HNF4G: variants seen among roughly 807,000 people sequenced by gnomAD.
HNF4G encodes hepatocyte nuclear factor 4-gamma.
In HNF4G, 21 loss-of-function variants were observed where a neutral mutation model predicts 50.9. The ratio of observed to expected loss-of-function variants is 0.41; its 90% CI spans 0.29 to 0.59. HNF4G has a LOEUF of 0.59. Among genes scored for constraint, HNF4G ranks in the 20% least tolerant of loss-of-function variants. The probability of loss-of-function intolerance (pLI) is 0.26; values close to 1 mark genes in which losing one functional copy is unlikely to be tolerated. For missense variants in HNF4G, 527 were observed against 559.4 expected (o/e 0.94, Z 0.58); for synonymous variants, 198 against 185.6 (o/e 1.07, Z -0.54).
At chr8:75,466,636 CTCCCTTCCCT>C (rs368808035) in intron 1 of HNF4G, among the ~76,000 whole-genome samples, 4,975 of 37,888 alleles carry the variant, frequency 0.13, 638 homozygotes, top group Middle Eastern at 0.16. Flanking sequence ...TTCCTTCCTT[CTCCCTTCCCT>C]TCCCTTCCCT....
At chr8:75,446,985 G>A (rs930055652) in intron 1 of HNF4G, among the ~76,000 whole-genome samples, 2 of 145,626 alleles carry the variant, frequency 1.4e-5, no homozygotes, top group African/African-American at 2.6e-5. Flanking sequence ...CCAATCCTAA[G>A]CCAAAAGAAC....
At chr8:75,487,816 AAAAG>A (rs1406074709) in intron 1 of HNF4G, among the ~76,000 whole-genome samples, 1 of 152,160 alleles carries the variant, frequency 6.6e-6, no homozygotes, top group African/African-American at 2.4e-5. Context: ...GGTAATTTAT[AAAAG>A]AAAGAGATTT....
intron 2 of HNF4G, among the ~76,000 whole-genome samples, chr8:75,532,241 G>A (rs1464286265): frequency 6.6e-6 from 1 of 151,680 alleles, no homozygotes; most frequent in Non-Finnish European, 1.5e-5. Context: ...CTTAATTATT[G>A]TTTTCATTTC....
chr8:75,566,231 A>C lies in HNF4G; in HGVS notation c.*2135A>C, dbSNP rs1404484555. On this transcript the variant is annotated 3_prime_UTR_variant, in exon 10 of 10. Transcript: ENST00000396423. ...CTGTGTCCTTATACATAAAAGGAAA[A>C]AGGTAGCTCTCTCGAGTCTCTTTAA... The C allele has an allele frequency of 6.6e-6, 1 of 152,148 alleles. No homozygotes were observed. Among genetic ancestry groups the C allele is most frequent in the African/African-American group, 2.4e-5 (1 of 41,420 alleles). 9.4% of individuals were successfully genotyped at this position (152,148 alleles called of 1,614,324 possible). A position where few individuals can be genotyped will look rare whatever the true frequency, so the allele number is the denominator to read the frequency against.
At chr8:75,455,889 CA>C (rs1304760063) in intron 1 of HNF4G, among the ~76,000 whole-genome samples, 34 of 151,414 alleles carry the variant, frequency 2.2e-4, no homozygotes, top group East Asian at 1.9e-4. Context: ...CTCTGAATCA[CA>C]AAAAAAAGTC....
chr8:75,551,635 T>C, intron 4 of HNF4G, 141 bp downstream of exon 4: 1 of 530,706 alleles, frequency 1.9e-6, no homozygotes, highest in Non-Finnish European at 3.4e-6. Context: ...GAGTTTTACT[T>C]TGAAAGTTTG....
intron 2 of HNF4G, among the ~76,000 whole-genome samples, chr8:75,500,621 C>G (rs564156417): frequency 8.6e-5 from 13 of 152,040 alleles, no homozygotes; most frequent in Non-Finnish European, 1.6e-4. Flanking sequence ...TTTGTATTTC[C>G]ATCAGCTAAC....
intron 2 of HNF4G, among the ~76,000 whole-genome samples, chr8:75,491,859 G>A (rs1212179544): frequency 6.6e-6 from 1 of 152,194 alleles, no homozygotes; most frequent in Non-Finnish European, 1.5e-5. Context: ...ATAAGCAGAA[G>A]AGTCCAGCTA....
chr8:75,554,631 G>T (rs530453117), intron 5 of HNF4G, among the ~76,000 whole-genome samples: 1 of 152,246 alleles, frequency 6.6e-6, no homozygotes, highest in African/African-American at 2.4e-5. Flanking sequence ...TTTATTAGGA[G>T]ATTACTGTTC....
chr8:75,480,082 T>A (rs2672853), intron 1 of HNF4G, among the ~76,000 whole-genome samples: 42,487 of 152,008 alleles, frequency 0.28, 6,540 homozygotes, highest in Middle Eastern at 0.47. Context: ...TATGCTTAAT[T>A]GCCTATTAGA....
chr8:75,416,548 A>G lies in HNF4G; in HGVS notation c.-144+8386A>G, dbSNP rs189269268. On this transcript the variant is annotated intron_variant, in intron 1 of 10. Coordinates refer to the HNF4G transcript ENST00000354370. ...CAGTGTGTGGCTTCTCCATATTAAA[A>G]TGCTGTACCCTTAAAAGGAAGGTAA... Among the ~76,000 whole-genome samples the G allele has an allele frequency of 1.4e-3, 210 of 152,314 alleles. 1 individual carries two copies. Among genetic ancestry groups the G allele is most frequent in the Non-Finnish European group, 2.3e-3 (154 of 68,032 alleles).
intron 5 of HNF4G, 25 bp from the exon 6 acceptor site, chr8:75,555,957 G>T: frequency 7.7e-7 from 1 of 1,301,626 alleles, no homozygotes; most frequent in Non-Finnish European, 1.1e-6. Flanking sequence ...ATAATTAATT[G>T]TTAAACTGAG....
In HNF4G at chr8:75,430,478, G is replaced by C. The variant is rs1585836024; in HGVS notation, c.-144+22316G>C. Among the ~76,000 whole-genome samples, 2 of 38,500 alleles carry C rather than the reference G, an allele frequency of 5.2e-5. 1 individual carries two copies. The highest frequency in any genetic ancestry group is 1.6e-3 in the South Asian group (2 of 1,274). 25.3% of individuals were successfully genotyped at this position (38,500 alleles called of 152,430 possible). ...AAAAGAGACGGGGGTAGGGAGTAGA[G>C]AGAGAGAGAGAGAGAGAGAGAGAGG... is the stretch of plus-strand genomic sequence containing the variant. On this transcript the variant is annotated intron_variant, in intron 1 of 10. Coordinates refer to the HNF4G transcript ENST00000354370.
At chr8:75,462,892 C>A (rs78796945) in intron 1 of HNF4G, among the ~76,000 whole-genome samples, 5,808 of 152,130 alleles carry the variant, frequency 0.038, 134 homozygotes, top group South Asian at 0.055. Context: ...CAATATAGTA[C>A]ATGTTGTACT....
At chr8:75,474,793 A>G (rs10092576) in intron 1 of HNF4G, among the ~76,000 whole-genome samples, 73,823 of 151,432 alleles carry the variant, frequency 0.49, 20,476 homozygotes, top group African/African-American at 0.77. Context: ...CGCCTCCCAG[A>G]TTCACGCCAT....
chr8:75,437,589 G>C (rs921191152), intron 1 of HNF4G, among the ~76,000 whole-genome samples: 1 of 152,002 alleles, frequency 6.6e-6, no homozygotes, highest in Non-Finnish European at 1.5e-5. Flanking sequence ...TTTTAAAAAA[G>C]GCTTGAACCC....
At chr8:75,553,287 T>A (rs1800924) in intron 5 of HNF4G, 90 bp downstream of exon 5, 28 of 1,037,296 alleles carry the variant, frequency 2.7e-5, no homozygotes, top group Non-Finnish European at 3.9e-5. Context: ...TAATGCATAT[T>A]CTATATTACT....
At chr8:75,549,347 A>G (rs1484448229) in intron 3 of HNF4G, among the ~76,000 whole-genome samples, 1 of 152,166 alleles carries the variant, frequency 6.6e-6, no homozygotes, top group East Asian at 1.9e-4. Context: ...GCATTTTTCT[A>G]AAGAATAATC....
chr8:75,445,658 G>A (rs1451758719), intron 1 of HNF4G, among the ~76,000 whole-genome samples: 5 of 113,480 alleles, frequency 4.4e-5, no homozygotes, highest in South Asian at 3.2e-4. Context: ...ACACCTCTAC[G>A]CAAATAAACT....
Sources: gnomAD v4.1 joint callset for allele counts (sites outside exome capture counted in the v4.1 genomes callset) on GRCh38, gnomAD v4.1.1 for gene constraint, MANE v1.5 for transcripts, NCBI Gene and HGNC (gene_info 2026-07-23, HGNC 2026-07-21) for gene names.